The following ME3 variants were observed in gnomAD, a reference collection of about 807,000 sequenced individuals.
ME3 encodes the protein NADP-dependent malic enzyme, mitochondrial.
In ME3, 48 loss-of-function variants were observed where a neutral mutation model predicts 68.9. The observed-to-expected ratio is 0.70, with a 90% CI of 0.55 to 0.89. The LOEUF (loss-of-function observed/expected upper bound fraction) is 0.89, where lower values mean the gene tolerates loss of function less well. Ranked by LOEUF, ME3 falls within the 40% of genes least tolerant of loss-of-function variation. The pLI, the probability that ME3 is intolerant of heterozygous loss-of-function variation, is 0.00. For missense variants in ME3, 675 were observed against 797.4 expected, an observed-to-expected ratio of 0.85 and a Z score of 1.85; for synonymous variants, 320 against 318.8, an observed-to-expected ratio of 1.00 and a Z score of -0.04.
intron 2 of ME3, among the ~76,000 whole-genome samples, chr11:86,598,324 C>T (rs997897781): frequency 2.0e-5 from 3 of 152,206 alleles, no homozygotes; most frequent in Admixed American, 6.5e-5. Context: ...GAGGGTCCTA[C>T]GCCCACGGAG....
intron 6 of ME3, among the ~76,000 whole-genome samples, chr11:86,492,199 A>T (rs1952048858): frequency 6.6e-6 from 1 of 152,230 alleles, no homozygotes; most frequent in African/African-American, 2.4e-5. Context: ...TTTCTATCAC[A>T]CAATGCAAGC....
intron 8 of ME3, among the ~76,000 whole-genome samples, chr11:86,463,076 A>G (rs1400961906): frequency 6.6e-6 from 1 of 152,194 alleles, no homozygotes; most frequent in African/African-American, 2.4e-5. Flanking sequence ...AGGGTGGCAT[A>G]GTGAGTGATA....
chr11:86,595,304 TATAG>T lies in ME3; in HGVS notation c.184-35485_184-35482del, dbSNP rs1289755295. Among the ~76,000 whole-genome samples the T allele has an allele frequency of 5.5e-4, 52 of 94,560 alleles. 4 individuals carry two copies. Among genetic ancestry groups the T allele is most frequent in the Admixed American group, 1.5e-3 (12 of 8,020 alleles). The allele number at this position is 94,560 out of a possible 152,430, so 62.0% of individuals were successfully genotyped here. On this transcript the variant is annotated intron_variant, in intron 2 of 14. Transcript: ENST00000543262. ...ATATATACATATACATATATATATATATAGAGAGAGAGAGAGAGAGAGAGAGAGC... is the reference window on the plus strand; with the variant it reads ...ATATATACATATACATATATATATATAGAGAGAGAGAGAGAGAGAGAGAGC...
chr11:86,570,898 A>G (rs554967514), intron 2 of ME3, among the ~76,000 whole-genome samples: 10 of 152,314 alleles, frequency 6.6e-5, no homozygotes, highest in African/African-American at 2.2e-4. Context: ...CTGGACAACA[A>G]AAGTTCTGCA....
At chr11:86,493,854 T>A (rs1182009722) in intron 6 of ME3, among the ~76,000 whole-genome samples, 1 of 151,144 alleles carries the variant, frequency 6.6e-6, no homozygotes, top group African/African-American at 2.4e-5. Context: ...GCCTCAGGAG[T>A]TTTTATAGAG....
intron 4 of ME3, among the ~76,000 whole-genome samples, chr11:86,543,449 G>C (rs544537630): frequency 6.6e-6 from 1 of 152,160 alleles, no homozygotes; most frequent in Non-Finnish European, 1.5e-5. Flanking sequence ...AAAATAAAGG[G>C]ATGGAGGAAG....
intron 4 of ME3, among the ~76,000 whole-genome samples, chr11:86,547,166 A>C (rs1301343970): frequency 7.0e-6 from 1 of 142,040 alleles, no homozygotes; most frequent in East Asian, 2.1e-4. Context: ...TGAAGCCGGG[A>C]GGCAGAGCTT....
chr11:86,497,847 G>T, intron 6 of ME3, 116 bp downstream of exon 6: 1 of 1,206,820 alleles, frequency 8.3e-7, no homozygotes, highest in Non-Finnish European at 1.1e-6. Context: ...TCGGGAGGAT[G>T]CCAAGAAAGA....
intron 2 of ME3, among the ~76,000 whole-genome samples, chr11:86,610,320 G>C (rs777751565): frequency 6.6e-6 from 1 of 152,010 alleles, no homozygotes; most frequent in Non-Finnish European, 1.5e-5. Flanking sequence ...TCCTGTGTCT[G>C]AAATACTTTA....
chr11:86,600,435 C>T (rs1395601150), intron 2 of ME3, among the ~76,000 whole-genome samples: 1 of 152,012 alleles, frequency 6.6e-6, no homozygotes, highest in East Asian at 1.9e-4. Flanking sequence ...AATACAGGAG[C>T]ACCCAGATTC....
In ME3 at chr11:86,595,306, T is replaced by TATATATAGAG. The variant is rs371436753; in HGVS notation, c.184-35484_184-35483insCTCTATATAT. Among the ~76,000 whole-genome samples, 86 of 79,822 alleles carry TATATATAGAG rather than the reference T, an allele frequency of 1.1e-3. 3 individuals are homozygous for TATATATAGAG. The highest frequency in any genetic ancestry group is 3.1e-3 in the African/African-American group (79 of 25,418). The allele number at this position is 79,822 out of a possible 152,430, so 52.4% of individuals were successfully genotyped here. Reference sequence around the variant, plus strand: ...ATATACATATACATATATATATATATAGAGAGAGAGAGAGAGAGAGAGAGA... The same window carrying TATATATAGAG: ...ATATACATATACATATATATATATATATATATAGAGAGAGAGAGAGAGAGAGAGAGAGAGA... On this transcript the variant is annotated intron_variant, in intron 2 of 14. Transcript: ENST00000543262.
intron 4 of ME3, among the ~76,000 whole-genome samples, chr11:86,554,157 T>C (rs1354432716): frequency 6.6e-6 from 1 of 152,220 alleles, no homozygotes; most frequent in Non-Finnish European, 1.5e-5. Flanking sequence ...CTGTTGCATA[T>C]GCAAGGTCCT....
At chr11:86,576,591 G>C (rs921022086) in intron 2 of ME3, among the ~76,000 whole-genome samples, 1 of 152,170 alleles carries the variant, frequency 6.6e-6, no homozygotes, top group Non-Finnish European at 1.5e-5. Flanking sequence ...TGACTGACTT[G>C]TTGGTCCCAT....
At position 86,623,689 on chromosome 11, in the gene ME3, A is replaced by AT. The variant is rs769207769; in HGVS notation, c.183+48072dup. Among the ~76,000 whole-genome samples, 11 of 152,224 alleles carry AT rather than the reference A, an allele frequency of 7.2e-5. No homozygotes were observed. In the East Asian group the frequency reaches 7.7e-4, roughly 11 times the overall value. ...AAGTAACCAAGGCATTGTTATAGAA[A>AT]TAGCAATGTTATAGAAATAACAACT... On this transcript the variant is annotated intron_variant, in intron 2 of 14. Transcript: ENST00000543262.
intron 2 of ME3, among the ~76,000 whole-genome samples, chr11:86,592,723 A>G (rs1190348895): frequency 6.6e-6 from 1 of 152,206 alleles, no homozygotes; most frequent in Non-Finnish European, 1.5e-5. Flanking sequence ...ACTCAGATTT[A>G]GAGATGTCAA....
intron 4 of ME3, 140 bp from the exon 5 acceptor site, chr11:86,509,007 C>T: frequency 1.5e-6 from 1 of 672,856 alleles, no homozygotes; most frequent in Non-Finnish European, 2.6e-6. Context: ...GAGGCCCCAG[C>T]AGTTTAGAGG....
intron 7 of ME3, among the ~76,000 whole-genome samples, chr11:86,475,881 A>G (rs1445408827): frequency 6.8e-6 from 1 of 147,586 alleles, no homozygotes; most frequent in Non-Finnish European, 1.5e-5. Context: ...ATATAGAGAG[A>G]GAGAGAGAGA....
rs145543706 is a variant in ME3, at chr11:86,614,154, A to C, written c.184-54331T>G. ...TCAGCACTTTGAATCAGAATCTCAC[A>C]TCATCTTCCCAGGACCTCTAAGAAA... is the stretch of plus-strand genomic sequence containing the variant. On this transcript the variant is annotated intron_variant, in intron 2 of 14. Coordinates refer to ENST00000543262, the Ensembl canonical transcript of ME3. Among the ~76,000 whole-genome samples the C allele has an allele frequency of 2.9e-3, 440 of 152,312 alleles. 2 individuals carry two copies. The highest frequency in any genetic ancestry group is 0.01 in the African/African-American group (429 of 41,574).
Position 86,593,603 on chromosome 11 carries a change from C to T in ME3, c.184-33780G>A, listed in dbSNP as rs1039803579. Among the ~76,000 whole-genome samples, 28 of 146,412 alleles carry T rather than the reference C, an allele frequency of 1.9e-4. 3 individuals carry two copies. The South Asian group carries it at 3.4e-3, about 18-fold the overall frequency. Reference sequence around the variant, plus strand: ...TCTCCCAAGTTTGAAAGTAATATTACGCACAGAAAAGTTGGAAAAAAATAA... The same window carrying T: ...TCTCCCAAGTTTGAAAGTAATATTATGCACAGAAAAGTTGGAAAAAAATAA... On this transcript the variant is annotated intron_variant, in intron 2 of 14. Transcript: ENST00000543262.
Sources: gnomAD v4.1 joint callset for allele counts (sites outside exome capture counted in the v4.1 genomes callset) on GRCh38, gnomAD v4.1.1 for gene constraint, MANE v1.5 for transcripts, NCBI Gene and HGNC (gene_info 2026-07-23, HGNC 2026-07-21) for gene names.